The following MALRD1 variants were observed in gnomAD, a reference collection of about 807,000 sequenced individuals.
MALRD1 encodes the protein MAM and LDL receptor class A domain containing 1.
A neutral mutation model predicts 242.1 loss-of-function variants in MALRD1; 247 were observed. That is an observed-to-expected ratio of 1.02 (90% CI 0.92 to 1.13). The LOEUF is 1.13. Among genes scored for constraint, MALRD1 ranks in the 50% most tolerant of loss-of-function variants. The pLI, the probability that MALRD1 is intolerant of heterozygous loss-of-function variation, is 0.00. For missense variants in MALRD1, 2,989 were observed against 2,533.1 expected (o/e 1.18, Z -3.86); for synonymous variants, 995 against 866.6 (o/e 1.15, Z -2.60).
chr10:19,216,115 C>T (rs866288499), intron 18 of MALRD1, among the ~76,000 whole-genome samples: 17 of 114,344 alleles, frequency 1.5e-4, no homozygotes, highest in Middle Eastern at 4.7e-3. Context: ...TTCTTTCTTT[C>T]TTTCTTTTTT....
At chr10:19,305,617 A>G (rs981201563) in intron 21 of MALRD1, among the ~76,000 whole-genome samples, 1 of 150,760 alleles carries the variant, frequency 6.6e-6, no homozygotes, top group African/African-American at 2.4e-5. Context: ...TTTCCAGCCT[A>G]TGTCTTCATT....
Position 19,387,510 on chromosome 10 carries a change from T to G in MALRD1, c.4442-18T>G. 6.5e-7 allele frequency: 1 copy of G among 1,546,816 alleles called. No individual in the cohort carries two copies. The highest frequency in any genetic ancestry group is 8.7e-7 in the Non-Finnish European group (1 of 1,145,336). On this transcript the variant is annotated intron_variant, in intron 26 of 39. Transcript: ENST00000454679. Reference sequence around the variant, plus strand: ...TAGGAGTGTTCGCTCATTCTTGTTTTCTTTTGTTTTGTTTTAGGTTTCTGC... The same window carrying G: ...TAGGAGTGTTCGCTCATTCTTGTTTGCTTTTGTTTTGTTTTAGGTTTCTGC...
intron 28 of MALRD1, among the ~76,000 whole-genome samples, chr10:19,449,950 G>C (rs911434520): frequency 1.3e-5 from 2 of 152,198 alleles, no homozygotes; most frequent in African/African-American, 4.8e-5. Flanking sequence ...ACTGGTGCAT[G>C]ATGGGTAAAA....
chr10:19,402,775 A>G (rs1420373811), intron 28 of MALRD1, among the ~76,000 whole-genome samples: 3 of 152,050 alleles, frequency 2.0e-5, no homozygotes, highest in African/African-American at 4.8e-5. Context: ...TGTTAAATCC[A>G]TATCTTTTTC....
chr10:19,464,936 G>A (rs1836143337), intron 29 of MALRD1, among the ~76,000 whole-genome samples: 2 of 130,664 alleles, frequency 1.5e-5, no homozygotes, highest in African/African-American at 5.6e-5. Flanking sequence ...TCCTTGGTTA[G>A]GTATAATTCC....
At chr10:19,574,903 CAGA>C (rs1044845082) in intron 33 of MALRD1, among the ~76,000 whole-genome samples, 4 of 152,116 alleles carry the variant, frequency 2.6e-5, no homozygotes, top group African/African-American at 9.7e-5. Flanking sequence ...CAGTTAGATG[CAGA>C]AGACTTCTCA....
chr10:19,184,606 T>A (rs1458422670), intron 14 of MALRD1, among the ~76,000 whole-genome samples: 1 of 152,154 alleles, frequency 6.6e-6, no homozygotes, highest in Non-Finnish European at 1.5e-5. Context: ...TGGGGTGCAG[T>A]GGTGCGATCT....
chr10:19,268,843 G>C (rs1840075340), intron 19 of MALRD1, among the ~76,000 whole-genome samples: 1 of 152,164 alleles, frequency 6.6e-6, no homozygotes, highest in African/African-American at 2.4e-5. Flanking sequence ...GTGTTACAGT[G>C]AACTTACAGA....
Position 19,136,734 on chromosome 10 carries a change from C to T in MALRD1, c.1364C>T (p.Ser455Phe). Residue 455 changes from serine (S) to phenylalanine (F), a missense_variant, in exon 10 of 40, where the codon TCT becomes TTT. Physicochemically the swap from Ser to Phe is radical, Grantham distance 155. Transcript: ENST00000454679. Reference sequence around the variant, plus strand: ...ATCGCCAAAGAATCTGTCTGTGACTCTCGGCAGGACTGCTCCGATGAGAGT... The same window carrying T: ...ATCGCCAAAGAATCTGTCTGTGACTTTCGGCAGGACTGCTCCGATGAGAGT... Reference protein sequence around the residue: ...QCIAKESVCDSRQDCSDESDE... With the variant: ...QCIAKESVCDFRQDCSDESDE... The T allele has an allele frequency of 8.1e-7, 1 of 1,231,656 alleles. No individual in the cohort carries two copies. The highest frequency in any genetic ancestry group is 1.0e-6 in the Non-Finnish European group (1 of 987,958). The allele number at this position is 1,231,656 out of a possible 1,614,324, so 76.3% of individuals were successfully genotyped here.
intron 14 of MALRD1, among the ~76,000 whole-genome samples, chr10:19,194,062 C>T (rs1836121901): frequency 6.6e-6 from 1 of 151,920 alleles, no homozygotes; most frequent in Admixed American, 6.6e-5. Context: ...TATTATTTGT[C>T]TAATAACAAC....
intron 33 of MALRD1, among the ~76,000 whole-genome samples, chr10:19,582,408 A>T (rs1837176517): frequency 6.8e-6 from 1 of 146,316 alleles, no homozygotes; most frequent in South Asian, 2.2e-4. Context: ...TATAAGGTGT[A>T]AGGAAGGGAT....
chr10:19,375,009 C>G (rs186301945), intron 26 of MALRD1, among the ~76,000 whole-genome samples: 1 of 152,078 alleles, frequency 6.6e-6, no homozygotes, highest in Non-Finnish European at 1.5e-5. Flanking sequence ...AGAATGGTCA[C>G]AAAGTGAAAT....
At chr10:19,095,177 T>C (rs780268200) in intron 4 of MALRD1, among the ~76,000 whole-genome samples, 3 of 152,208 alleles carry the variant, frequency 2.0e-5, no homozygotes, top group Admixed American at 6.5e-5. Context: ...TCGATTCTTT[T>C]GAGTGCCTAA....
In MALRD1 at chr10:19,389,554, G is replaced by A. The variant is rs1432443993; in HGVS notation, c.4790G>A (p.Ser1597Asn). ...GAATCCAGTGCAGCCTGCACCATGA[G>A]CTTCTGGTATTTCGTATCTGCAAAG... is the stretch of plus-strand genomic sequence containing the variant. ...WRESSAACTM[S>N]FWYFVSAKAT... Residue 1597 changes from serine (S) to asparagine (N), a missense_variant, in exon 28 of 40, where the codon AGC (serine) becomes AAC (asparagine). Ser to Asn is a conservative substitution (Grantham distance 46). Coordinates refer to ENST00000454679, the MANE Select transcript of MALRD1 (RefSeq NM_001142308.3). 2 of 1,550,766 alleles carry A rather than the reference G, an allele frequency of 1.3e-6. No homozygotes were observed. The highest frequency in any genetic ancestry group is 2.4e-5 in the South Asian group (2 of 84,060).
chr10:19,401,957 C>T (rs1292607401), intron 28 of MALRD1, among the ~76,000 whole-genome samples: 2 of 152,126 alleles, frequency 1.3e-5, no homozygotes, highest in Admixed American at 6.6e-5. Context: ...TACATAAACC[C>T]AACAAGAATA....
chr10:19,678,096 G>A (rs986305206), intron 36 of MALRD1, among the ~76,000 whole-genome samples: 5 of 152,132 alleles, frequency 3.3e-5, no homozygotes, highest in Admixed American at 6.6e-5. Context: ...TTGAAGCCAG[G>A]TAGCATGATG....
intron 11 of MALRD1, among the ~76,000 whole-genome samples, chr10:19,151,143 T>A (rs932966239): frequency 8.5e-5 from 13 of 152,168 alleles, no homozygotes; most frequent in African/African-American, 3.1e-4. Context: ...GTACAATGAT[T>A]TCTCATATGT....
At chr10:19,191,618 A>G (rs1219624036) in intron 14 of MALRD1, among the ~76,000 whole-genome samples, 1 of 152,220 alleles carries the variant, frequency 6.6e-6, no homozygotes, top group Admixed American at 6.5e-5. Flanking sequence ...TGAGTGGATC[A>G]GAAAAATGTG....
intron 21 of MALRD1, among the ~76,000 whole-genome samples, chr10:19,285,286 G>C (rs1359707272): frequency 7.2e-6 from 1 of 139,436 alleles, no homozygotes; most frequent in African/African-American, 2.7e-5. Flanking sequence ...TTTGGCTTTT[G>C]TTGCCATTGC....
Sources: allele counts gnomAD v4.1 joint callset (sites outside exome capture counted in the v4.1 genomes callset), GRCh38; gene constraint gnomAD v4.1.1; transcripts MANE v1.5; gene names NCBI Gene and HGNC (gene_info 2026-07-23, HGNC 2026-07-21).